PTPRD: variants seen among roughly 807,000 people sequenced by gnomAD.
PTPRD encodes protein tyrosine phosphatase receptor type D, also known as receptor-type tyrosine-protein phosphatase delta.
PTPRD carries 34 observed loss-of-function variants against 214.5 expected under a neutral mutation model. The ratio of observed to expected loss-of-function variants is 0.16; its 90% CI spans 0.12 to 0.21. PTPRD has a LOEUF of 0.21. PTPRD is among the 10% of genes least tolerant of loss of function. PTPRD has a pLI of 1.00. For missense variants in PTPRD, 2,545 were observed against 2,398.7 expected, an observed-to-expected ratio of 1.06 and a Z score of -1.27; for synonymous variants, 1,128 against 845.7, an observed-to-expected ratio of 1.33 and a Z score of -5.79.
At chr9:8,414,655 T>A (rs1397651614) in intron 35 of PTPRD, among the ~76,000 whole-genome samples, 2 of 151,842 alleles carry the variant, frequency 1.3e-5, no homozygotes, top group African/African-American at 2.4e-5. Flanking sequence ...ACATCCCAGT[T>A]TACACCTACT....
intron 11 of PTPRD, among the ~76,000 whole-genome samples, chr9:8,778,529 T>A (rs1565987166): frequency 6.6e-6 from 1 of 152,202 alleles, no homozygotes; most frequent in Non-Finnish European, 1.5e-5. Context: ...GCAAGATCAC[T>A]GGTGTCTTTT....
chr9:10,546,373 G>T (rs1359592395), intron 2 of PTPRD, among the ~76,000 whole-genome samples: 1 of 152,036 alleles, frequency 6.6e-6, no homozygotes, highest in African/African-American at 2.4e-5. Flanking sequence ...CTATGCAAAA[G>T]AGAGAAGAAA....
intron 8 of PTPRD, among the ~76,000 whole-genome samples, chr9:9,443,332 C>T (rs902666748): frequency 9.2e-5 from 14 of 152,142 alleles, no homozygotes; most frequent in African/African-American, 3.4e-4. Context: ...GACATGTATA[C>T]TATTATTAAA....
At chr9:8,732,077 G>C (rs931336860) in intron 12 of PTPRD, among the ~76,000 whole-genome samples, 2 of 152,230 alleles carry the variant, frequency 1.3e-5, no homozygotes. Flanking sequence ...TAAGAAGTGT[G>C]ATGAAGAAGA....
chr9:9,625,236 G>A (rs997265711), intron 7 of PTPRD, among the ~76,000 whole-genome samples: 1 of 152,170 alleles, frequency 6.6e-6, no homozygotes, highest in Non-Finnish European at 1.5e-5. Context: ...GTACACACAA[G>A]GCCAGAAGAG....
intron 2 of PTPRD, among the ~76,000 whole-genome samples, chr9:10,508,812 G>A (rs2046983450): frequency 6.6e-6 from 1 of 151,946 alleles, no homozygotes; most frequent in Non-Finnish European, 1.5e-5. Context: ...GGGTAGAGGG[G>A]AAGGAAAGCA....
Position 10,542,804 on chromosome 9 carries a change from C to T in PTPRD, c.-600+69594G>A, listed in dbSNP as rs567211790. ...TGTGATCTTGGCTCACCACAACCTC[C>T]GCCTCCTGGGTTCAAGCAATTCTCC... On this transcript the variant is annotated intron_variant, in intron 2 of 45. Coordinates refer to ENST00000381196, the MANE Select transcript of PTPRD (RefSeq NM_002839.4). Among the ~76,000 whole-genome samples the T allele has an allele frequency of 1.1e-4, 17 of 152,126 alleles. No individual in the cohort carries two copies. The East Asian group carries it at 2.1e-3, about 19-fold the overall frequency.
chr9:9,969,672 G>A (rs995333953), intron 4 of PTPRD, among the ~76,000 whole-genome samples: 14 of 152,290 alleles, frequency 9.2e-5, no homozygotes, highest in Admixed American at 5.9e-4. Flanking sequence ...TGGGGCTGCC[G>A]CTTCTACTGC....
At chr9:9,573,428 A>C (rs911121236) in intron 8 of PTPRD, among the ~76,000 whole-genome samples, 3 of 151,092 alleles carry the variant, frequency 2.0e-5, no homozygotes, top group African/African-American at 7.3e-5. Context: ...AAAAAAAAAA[A>C]CTTATGTCAG....
chr9:9,356,323 A>AGAAT (rs1204145309), intron 9 of PTPRD, among the ~76,000 whole-genome samples: 1 of 151,544 alleles, frequency 6.6e-6, no homozygotes, highest in South Asian at 2.1e-4. Flanking sequence ...GAGAGCTGCT[A>AGAAT]GAATGAGGTC....
chr9:9,153,639 C>G (rs2099878731), intron 10 of PTPRD, among the ~76,000 whole-genome samples: 2 of 152,102 alleles, frequency 1.3e-5, no homozygotes, highest in Admixed American at 1.3e-4. Flanking sequence ...ATTTTGTTAA[C>G]TTTAGCTAAA....
At chr9:8,406,284 C>G (rs1589642713) in intron 35 of PTPRD, among the ~76,000 whole-genome samples, 1 of 152,272 alleles carries the variant, frequency 6.6e-6, no homozygotes. Flanking sequence ...TCAAGTCAAC[C>G]TTGAACCATG....
chr9:9,053,636 T>C (rs551987795), intron 10 of PTPRD, among the ~76,000 whole-genome samples: 180 of 152,284 alleles, frequency 1.2e-3, no homozygotes, highest in Non-Finnish European at 2.1e-3. Context: ...GATATTAAAT[T>C]ATTAAATTTC....
chr9:9,795,401 T>C (rs904221736), intron 5 of PTPRD, among the ~76,000 whole-genome samples: 7 of 152,082 alleles, frequency 4.6e-5, no homozygotes, highest in Non-Finnish European at 1.0e-4. Context: ...GATCACAATA[T>C]TGAGGGCCAT....
chr9:9,179,991 A>G (rs2099927236), intron 10 of PTPRD, among the ~76,000 whole-genome samples: 1 of 152,142 alleles, frequency 6.6e-6, no homozygotes. Flanking sequence ...TGAAGGATAC[A>G]TTAAACAAGA....
intron 10 of PTPRD, among the ~76,000 whole-genome samples, chr9:9,034,991 C>G (rs149413397): frequency 5.9e-5 from 9 of 152,208 alleles, no homozygotes; most frequent in Admixed American, 2.0e-4. Flanking sequence ...GCAGGAGGGA[C>G]TTCTGGGGAC....
At chr9:10,597,750 T>A (rs149102739) in intron 2 of PTPRD, among the ~76,000 whole-genome samples, 77 of 151,926 alleles carry the variant, frequency 5.1e-4, no homozygotes, top group African/African-American at 1.7e-3. Flanking sequence ...TCAGAATTAA[T>A]TGAAATTATT....
chr9:8,391,478 T>A (rs916280651), intron 36 of PTPRD, among the ~76,000 whole-genome samples: 2 of 152,136 alleles, frequency 1.3e-5, no homozygotes, highest in African/African-American at 4.8e-5. Context: ...CAGATTACTG[T>A]AGATTCAAAT....
intron 3 of PTPRD, among the ~76,000 whole-genome samples, chr9:10,126,945 A>ATTTTTTTTT (rs2098824416): frequency 9.5e-6 from 1 of 104,828 alleles, no homozygotes; most frequent in African/African-American, 3.8e-5. Flanking sequence ...TCTCAAATGG[A>ATTTTTTTTT]CTTTTTTTTT....
Sources: allele counts gnomAD v4.1 joint callset (sites outside exome capture counted in the v4.1 genomes callset), GRCh38; gene constraint gnomAD v4.1.1; transcripts MANE v1.5; gene names NCBI Gene and HGNC (gene_info 2026-07-23, HGNC 2026-07-21).